The following TCF20 variants were observed in gnomAD, a reference collection of about 807,000 sequenced individuals.
TCF20 encodes SPRE-binding protein.
Under a neutral mutation model 148.6 loss-of-function variants are expected in TCF20, and 3 were observed. The ratio of observed to expected loss-of-function variants is 0.02; its 90% CI spans 0.01 to 0.05. The LOEUF (loss-of-function observed/expected upper bound fraction) is 0.05, where lower values mean the gene tolerates loss of function less well. Ranked by LOEUF, TCF20 falls within the 10% of genes least tolerant of loss-of-function variation. TCF20 has a pLI of 1.00. For missense variants in TCF20, 2,350 were observed against 2,429.3 expected (o/e 0.97, Z 0.69); for synonymous variants, 1,049 against 909.5 (o/e 1.15, Z -2.76).
chr22:42,313,473 A>AG (rs953282341), intron 1 of TCF20, among the ~76,000 whole-genome samples: 2 of 151,888 alleles, frequency 1.3e-5, no homozygotes, highest in Non-Finnish European at 2.9e-5. Flanking sequence ...CACCTCCTCC[A>AG]GGGGGTGCCT....
chr22:42,213,396 C>T lies in TCF20; in HGVS notation c.1910G>A (p.Arg637Lys). Residue 637 changes from arginine (R) to lysine (K), a missense_variant, in exon 2 of 6, where the codon AGG becomes AAG. Arg to Lys is a conservative substitution (Grantham distance 26). Around this residue, in one of 7 missense-constraint regions of TCF20, gnomAD observed 1,641 missense variants for 1,662.6 expected, o/e 0.99. Transcript: ENST00000677622. ...CTTTGCCCCACCATTGCTAGGTGGC[C>T]TTTGAGTGGCTGCAGGATCATCCTC... ...SQEDDPAATQ[R>K]PPSNGGAKET... The T allele has an allele frequency of 6.2e-7, 1 of 1,614,140 alleles. No individual in the cohort carries two copies. Among genetic ancestry groups the T allele is most frequent in the South Asian group, 1.1e-5 (1 of 91,074 alleles).
At chr22:42,238,252 C>T (rs1430810143) in intron 1 of TCF20, among the ~76,000 whole-genome samples, 5 of 152,214 alleles carry the variant, frequency 3.3e-5, no homozygotes, top group Non-Finnish European at 7.3e-5. Context: ...CCAATCTGTG[C>T]TAGCTTCAAA....
intron 1 of TCF20, among the ~76,000 whole-genome samples, chr22:42,219,080 T>A (rs1157048782): frequency 6.6e-6 from 1 of 151,920 alleles, no homozygotes; most frequent in Non-Finnish European, 1.5e-5. Context: ...AATGTAAACC[T>A]GGAGCTATAA....
intron 1 of TCF20, among the ~76,000 whole-genome samples, chr22:42,236,965 C>G: frequency 6.6e-6 from 1 of 152,154 alleles, no homozygotes; most frequent in East Asian, 1.9e-4. Context: ...TTTTTGCTGA[C>G]GGAGGGTCTT....
chr22:42,182,324 T>C (rs1372473880), intron 2 of TCF20, among the ~76,000 whole-genome samples: 2 of 152,212 alleles, frequency 1.3e-5, no homozygotes, highest in Admixed American at 1.3e-4. Context: ...AAGGGTTAAA[T>C]GAATTAATTC....
At chr22:42,258,549 ACACTTAGGATTTT>A (rs1332377557) in intron 1 of TCF20, among the ~76,000 whole-genome samples, 1 of 152,136 alleles carries the variant, frequency 6.6e-6, no homozygotes, top group Non-Finnish European at 1.5e-5. Flanking sequence ...GGTTTCACAT[ACACTTAGGATTTT>A]CACTTCAGGA....
intron 1 of TCF20, among the ~76,000 whole-genome samples, chr22:42,237,532 A>C (rs974484755): frequency 2.0e-5 from 3 of 152,220 alleles, no homozygotes; most frequent in African/African-American, 7.2e-5. Flanking sequence ...CATGAATCAC[A>C]AATGTTCTTA....
At chr22:42,318,263 A>G (rs558742648) in intron 1 of TCF20, among the ~76,000 whole-genome samples, 4 of 152,346 alleles carry the variant, frequency 2.6e-5, no homozygotes, top group African/African-American at 9.6e-5. Context: ...CCCAGTTGCC[A>G]TGGAAACCAC....
At chr22:42,179,904 C>G (rs1936688938) in intron 2 of TCF20, among the ~76,000 whole-genome samples, 1 of 152,128 alleles carries the variant, frequency 6.6e-6, no homozygotes, top group Non-Finnish European at 1.5e-5. Flanking sequence ...TGTTTTAGAC[C>G]AAGCCTCACA....
At chr22:42,277,254 A>G (rs1020877522) in intron 1 of TCF20, among the ~76,000 whole-genome samples, 9 of 152,320 alleles carry the variant, frequency 5.9e-5, no homozygotes, top group African/African-American at 2.2e-4. Context: ...TTATTCATTC[A>G]TTCAACAAAC....
chr22:42,161,191 T>C lies in TCF20; in HGVS notation c.*212A>G. ...GCCATTCCAACGTCTTGGGTCTTTC[T>C]TTCCTGTGGTGTCACTGGTTTGAGT... On this transcript the variant is annotated 3_prime_UTR_variant, in exon 6 of 6. Coordinates refer to ENST00000677622, the MANE Select transcript of TCF20 (RefSeq NM_001378418.1). The C allele has an allele frequency of 1.2e-6, 1 of 810,702 alleles. No individual in the cohort carries two copies. Among genetic ancestry groups the C allele is most frequent in the Non-Finnish European group, 1.9e-6 (1 of 528,908 alleles). The allele number at this position is 810,702 out of a possible 1,614,324, so 50.2% of individuals were successfully genotyped here. A position where few individuals can be genotyped will look rare whatever the true frequency, so the allele number is the denominator to read the frequency against.
intron 2 of TCF20, among the ~76,000 whole-genome samples, chr22:42,188,286 T>A (rs1937144444): frequency 4.3e-5 from 1 of 23,510 alleles, no homozygotes; most frequent in Admixed American, 8.8e-4. Context: ...AGAGTGAAAC[T>A]CCGTCTCAAA....
intron 1 of TCF20, among the ~76,000 whole-genome samples, chr22:42,232,811 A>AG (rs1290505918): frequency 2.6e-5 from 4 of 151,952 alleles, no homozygotes; most frequent in African/African-American, 9.7e-5. Context: ...AAAAGAAAAA[A>AG]AAAAAAAAAA....
At position 42,251,520 on chromosome 22, in the gene TCF20, T is replaced by TTTTG. The variant is rs1555947166; in HGVS notation, c.-37+18818_-37+18819insCAAA. Among the ~76,000 whole-genome samples, 47 of 115,810 alleles carry TTTTG rather than the reference T, an allele frequency of 4.1e-4. 8 individuals are homozygous for TTTTG. The highest frequency in any genetic ancestry group is 3.8e-3 in the East Asian group (12 of 3,132). The allele number at this position is 115,810 out of a possible 152,430, so 76.0% of individuals were successfully genotyped here. A position where few individuals can be genotyped will look rare whatever the true frequency, so the allele number is the denominator to read the frequency against. On this transcript the variant is annotated intron_variant, in intron 1 of 5. Coordinates refer to ENST00000677622, the MANE Select transcript of TCF20 (RefSeq NM_001378418.1). ...TTTTTTTTTTTTTTTTTTTTTTTTT[T>TTTTG]GAGACAGAATCTCACTCTGTCACCC... is the stretch of plus-strand genomic sequence containing the variant.
At chr22:42,263,733 T>C (rs1034003638) in intron 1 of TCF20, among the ~76,000 whole-genome samples, 11 of 152,202 alleles carry the variant, frequency 7.2e-5, no homozygotes, top group African/African-American at 2.7e-4. Context: ...TCAAGCTTGA[T>C]GTGTGCCATC....
chr22:42,243,292 CAAA>C (rs3045578), intron 1 of TCF20, among the ~76,000 whole-genome samples: 807 of 39,220 alleles, frequency 0.021, 12 homozygotes, highest in African/African-American at 0.064. Context: ...GACACTGTCT[CAAA>C]AAAAAAAAAA....
intron 1 of TCF20, among the ~76,000 whole-genome samples, chr22:42,224,757 A>T (rs1451812360): frequency 6.6e-6 from 1 of 152,098 alleles, no homozygotes; most frequent in Non-Finnish European, 1.5e-5. Flanking sequence ...ATTTTAAACA[A>T]TTGCAAAGAC....
intron 1 of TCF20, among the ~76,000 whole-genome samples, chr22:42,260,427 A>T (rs1452553938): frequency 2.6e-5 from 4 of 152,190 alleles, no homozygotes; most frequent in Admixed American, 6.5e-5. Context: ...AGTGGAAAAA[A>T]TGGTTTGGGA....
intron 1 of TCF20, among the ~76,000 whole-genome samples, chr22:42,254,279 AT>A (rs1048990726): frequency 5.3e-5 from 8 of 151,822 alleles, no homozygotes; most frequent in Non-Finnish European, 8.8e-5. Flanking sequence ...TCCCAGGTAG[AT>A]CCCAGGATGG....
Sources: gnomAD v4.1 joint callset for allele counts (sites outside exome capture counted in the v4.1 genomes callset) on GRCh38, gnomAD v4.1.1 for gene constraint, gnomAD v4.1.1 regional missense constraint, MANE v1.5 for transcripts, NCBI Gene and HGNC (gene_info 2026-07-23, HGNC 2026-07-21) for gene names.